BLNK: variants seen among roughly 807,000 people sequenced by gnomAD.
The protein encoded by BLNK is B-cell linker protein.
Under a neutral mutation model 73.5 loss-of-function variants are expected in BLNK, and 29 were observed. That is an observed-to-expected ratio of 0.39 (90% CI 0.29 to 0.54). The LOEUF (loss-of-function observed/expected upper bound fraction) is 0.54. BLNK is among the 20% of genes least tolerant of loss of function. The pLI is 0.61. For synonymous variants in BLNK, 176 were observed against 200.8 expected, an observed-to-expected ratio of 0.88 and a Z score of 1.04; for missense variants, 460 against 562.8, an observed-to-expected ratio of 0.82 and a Z score of 1.85.
intron 13 of BLNK, 114 bp from the exon 14 acceptor site, chr10:96,201,172 T>A (rs1163475159): frequency 1.1e-5 from 10 of 943,250 alleles, no homozygotes; most frequent in Non-Finnish European, 1.7e-5. Flanking sequence ...CCAAAAAAAA[T>A]CCTTAAGGCA....
rs928839184 is a variant in BLNK, at chr10:96,210,043, T to C, written c.677-136A>G. ...CTTTCAGTTAAGCACATATAGGTAG[T>C]TATATTGAAGCTATTAAGGAAAACT... is the stretch of plus-strand genomic sequence containing the variant. On this transcript the variant is annotated intron_variant, in intron 8 of 16. Coordinates refer to ENST00000224337, the MANE Select transcript of BLNK (RefSeq NM_013314.4). 9.9e-6 allele frequency: 9 copies of C among 904,636 alleles called. No individual in the cohort carries two copies. In the Admixed American group the frequency reaches 1.7e-4, roughly 17 times the overall value. 56.0% of individuals were successfully genotyped at this position (904,636 alleles called of 1,614,324 possible). A position where few individuals can be genotyped will look rare whatever the true frequency, so the allele number is the denominator to read the frequency against.
rs184481302 is a variant in BLNK, at chr10:96,201,090, T to C, written c.935-32A>G. ...GGGATCAGAAAAGTCCTTCAATTAA[T>C]CTTCATATTTCTTGAACTCTTTCTA... On this transcript the variant is annotated intron_variant, in intron 13 of 16. Coordinates refer to ENST00000224337, the MANE Select transcript of BLNK (RefSeq NM_013314.4). 3.4e-4 allele frequency: 526 copies of C among 1,570,072 alleles called. 2 individuals carry two copies. In the African/African-American group the frequency reaches 6.2e-3, roughly 18 times the overall value.
At chr10:96,201,478 T>C (rs1396532007) in intron 13 of BLNK, among the ~76,000 whole-genome samples, 1 of 152,234 alleles carries the variant, frequency 6.6e-6, no homozygotes, top group Non-Finnish European at 1.5e-5. Flanking sequence ...AAAAATATTA[T>C]TTATGTTAAC....
intron 13 of BLNK, among the ~76,000 whole-genome samples, chr10:96,202,037 C>T (rs1554896336): frequency 2.0e-5 from 3 of 152,074 alleles, no homozygotes; most frequent in African/African-American, 7.2e-5. Context: ...GTAGAGGGAG[C>T]TGTGAAGGCA....
chr10:96,221,635 A>T (rs2084198794), intron 6 of BLNK, among the ~76,000 whole-genome samples: 1 of 152,170 alleles, frequency 6.6e-6, no homozygotes, highest in Non-Finnish European at 1.5e-5. Flanking sequence ...AGTTATTTAC[A>T]GAAATGAAGA....
intron 6 of BLNK, among the ~76,000 whole-genome samples, chr10:96,221,748 C>T (rs1235558270): frequency 6.6e-6 from 1 of 152,248 alleles, no homozygotes; most frequent in East Asian, 1.9e-4. Flanking sequence ...ATCCTAACAG[C>T]TGGTCTCCCC....
intron 1 of BLNK, among the ~76,000 whole-genome samples, chr10:96,250,259 A>G (rs1843224282): frequency 1.3e-5 from 2 of 152,158 alleles, no homozygotes; most frequent in South Asian, 4.1e-4. Flanking sequence ...AGAACTCTAC[A>G]GTTTTCTAGA....
At position 96,192,023 on chromosome 10, in the gene BLNK, TCTGA is replaced by T; in HGVS notation, c.1317_1320del (p.Ser439ArgfsTer10). 1 of 1,613,836 alleles carries T rather than the reference TCTGA, an allele frequency of 6.2e-7. No individual in the cohort carries two copies. Among genetic ancestry groups the T allele is most frequent in the East Asian group, 2.2e-5 (1 of 44,816 alleles). On this transcript the variant is annotated frameshift_variant, in exon 17 of 17. Coordinates refer to ENST00000224337, the MANE Select transcript of BLNK (RefSeq NM_013314.4). LOFTEE classifies it high-confidence loss of function. ...AGTCTGGTGGAATCTTTTGTGTTAT[TCTGA>T]CTGTCAATAAGAACCAAAGGACTAT...
At chr10:96,216,280 C>A in intron 7 of BLNK, 1 of 258,100 alleles carries the variant, frequency 3.9e-6, no homozygotes. Flanking sequence ...TTTTTCACTC[C>A]TCTGCAGAAA....
rs587766141 is a variant in BLNK at position 96,204,379 on chromosome 10, T to C, written c.902+153A>G. 2.5e-3 allele frequency: 2,250 copies of C among 913,354 alleles called. 10 individuals carry two copies. The highest frequency in any genetic ancestry group is 3.3e-3 in the Non-Finnish European group (1,884 of 566,178). 56.6% of individuals were successfully genotyped at this position (913,354 alleles called of 1,614,324 possible). On this transcript the variant is annotated intron_variant, in intron 12 of 16. Transcript: ENST00000224337. ...CAACTCTACACAGTTATTTTAAAGTTGCTCAACACCTTTTAACACGTAACT... is the reference window on the plus strand; with the variant it reads ...CAACTCTACACAGTTATTTTAAAGTCGCTCAACACCTTTTAACACGTAACT...
intron 1 of BLNK, among the ~76,000 whole-genome samples, chr10:96,263,773 A>G (rs1843866503): frequency 6.6e-6 from 1 of 152,216 alleles, no homozygotes; most frequent in Non-Finnish European, 1.5e-5. Context: ...CAAATACGCC[A>G]GTAATGAGGA....
rs782045820 is a variant in BLNK at position 96,228,096 on chromosome 10, T to C, written c.205-530A>G. Among the ~76,000 whole-genome samples the C allele has an allele frequency of 0.031, 28 of 918 alleles. No individual in the cohort carries two copies. In the Non-Finnish European group the frequency reaches 0.31, roughly 10 times the overall value. 0.6% of individuals were successfully genotyped at this position (918 alleles called of 152,430 possible). A position where few individuals can be genotyped will look rare whatever the true frequency, so the allele number is the denominator to read the frequency against. On this transcript the variant is annotated intron_variant, in intron 4 of 16. Coordinates refer to ENST00000224337, the MANE Select transcript of BLNK (RefSeq NM_013314.4). ...CTCAGGGTTTGCTCTCTTTTTTTTC[T>C]TTTTTTTTTTTTCCTGTTTTTGAGA...
chr10:96,223,896 G>T lies in BLNK; in HGVS notation c.455C>A (p.Thr152Asn). 6.2e-7 allele frequency: 1 copy of T among 1,613,868 alleles called. No individual in the cohort carries two copies. Among genetic ancestry groups the T allele is most frequent in the Non-Finnish European group, 8.5e-7 (1 of 1,180,044 alleles). ...CTGCAAAGCAGTCAGGGCCGGCAGGGTGGAGGTGAGCCTTGCTTTCTCTGA... is the reference window on the plus strand; with the variant it reads ...CTGCAAAGCAGTCAGGGCCGGCAGGTTGGAGGTGAGCCTTGCTTTCTCTGA... ...WPSEKARLTS[T>N]LPALTALQKP... The change falls in exon 6 of 17, where the codon ACC (threonine) becomes AAC (asparagine). Residue 152 changes from threonine (T) to asparagine (N), a missense_variant. Thr to Asn is a moderately conservative substitution (Grantham distance 65). This residue lies in a region of BLNK where 233 missense variants were observed against 232.1 expected (regional missense o/e 1.00). Transcript: ENST00000224337.
At chr10:96,248,472 A>G (rs1843142823) in intron 1 of BLNK, among the ~76,000 whole-genome samples, 1 of 152,260 alleles carries the variant, frequency 6.6e-6, no homozygotes, top group African/African-American at 2.4e-5. Context: ...CAGACTGGCA[A>G]AACATAACAA....
chr10:96,252,858 T>C (rs369565094), intron 1 of BLNK, among the ~76,000 whole-genome samples: 16 of 152,290 alleles, frequency 1.1e-4, no homozygotes, highest in African/African-American at 3.8e-4. Context: ...ACTAACAGAA[T>C]GCAGTGGCGG....
chr10:96,192,229 T>C (rs1409923249), intron 16 of BLNK, 137 bp from the exon 17 acceptor site: 1 of 1,240,894 alleles, frequency 8.1e-7, no homozygotes, highest in African/African-American at 1.5e-5. Flanking sequence ...AAAAATCTAG[T>C]TTAACAAAGG....
At chr10:96,219,219 AT>A (rs1433649981) in intron 6 of BLNK, among the ~76,000 whole-genome samples, 2 of 152,302 alleles carry the variant, frequency 1.3e-5, no homozygotes, top group Non-Finnish European at 2.9e-5. Context: ...ACTGAATTGA[AT>A]TGAAATTGCC....
chr10:96,209,977 C>A, intron 8 of BLNK, 70 bp from the exon 9 acceptor site: 1 of 1,527,566 alleles, frequency 6.5e-7, no homozygotes, highest in Admixed American at 1.7e-5. Flanking sequence ...CTGAGGCTGG[C>A]CTCTCTGGCA....
At chr10:96,269,608 A>T (rs1251877813) in intron 1 of BLNK, among the ~76,000 whole-genome samples, 1 of 151,798 alleles carries the variant, frequency 6.6e-6, no homozygotes, top group Non-Finnish European at 1.5e-5. Context: ...CCCTGCCTCC[A>T]GTGTCCCTCC....
Sources: gnomAD v4.1 joint callset for allele counts (sites outside exome capture counted in the v4.1 genomes callset) on GRCh38, gnomAD v4.1.1 for gene constraint, gnomAD v4.1.1 regional missense constraint, MANE v1.5 for transcripts, NCBI Gene and HGNC (gene_info 2026-07-23, HGNC 2026-07-21) for gene names.